Variants in GALNTL6 observed in about 807,000 individuals in gnomAD.
The protein encoded by GALNTL6 is polypeptide N-acetylgalactosaminyltransferase like 6.
Under a neutral mutation model 73.7 loss-of-function variants are expected in GALNTL6, and 46 were observed. The observed-to-expected ratio is 0.62, with a 90% confidence interval of 0.49 to 0.80. The LOEUF (loss-of-function observed/expected upper bound fraction) is 0.80. GALNTL6 is among the 30% of genes least tolerant of loss of function. The pLI is 0.00. For missense variants in GALNTL6, 604 were observed against 755.0 expected (o/e 0.80, Z 2.34); for synonymous variants, 259 against 263.7 (o/e 0.98, Z 0.17).
At chr4:172,186,764 G>A (rs1202793079) in intron 2 of GALNTL6, among the ~76,000 whole-genome samples, 13 of 152,108 alleles carry the variant, frequency 8.5e-5, no homozygotes, top group Non-Finnish European at 1.3e-4. Flanking sequence ...GGTGGCTGCC[G>A]GTGGCTAGGG....
intron 5 of GALNTL6, among the ~76,000 whole-genome samples, chr4:172,352,580 TTGAAATGTG>T (rs1385201150): frequency 6.6e-6 from 1 of 152,120 alleles, no homozygotes; most frequent in Non-Finnish European, 1.5e-5. Context: ...ATGGAAAATG[TTGAAATGTG>T]TGAAATGGGC....
chr4:172,297,035 A>G (rs1240470661), intron 3 of GALNTL6, among the ~76,000 whole-genome samples: 1 of 152,010 alleles, frequency 6.6e-6, no homozygotes, highest in Non-Finnish European at 1.5e-5. Flanking sequence ...TTGTTTCCTG[A>G]CTTTTTAATG....
intron 2 of GALNTL6, among the ~76,000 whole-genome samples, chr4:172,229,400 T>G (rs1441418924): frequency 1.3e-5 from 2 of 152,166 alleles, no homozygotes; most frequent in Non-Finnish European, 2.9e-5. Flanking sequence ...ACGCTAAATA[T>G]TAGCGTCTCT....
intron 5 of GALNTL6, among the ~76,000 whole-genome samples, chr4:172,664,669 A>G (rs1282225524): frequency 6.6e-6 from 1 of 152,122 alleles, no homozygotes; most frequent in African/African-American, 2.4e-5. Context: ...ATTCTCAAAG[A>G]CCTTCTCAGC....
Position 172,029,501 on chromosome 4 carries a change from C to T in GALNTL6, c.139-200155C>T, listed in dbSNP as rs576857551. ...TTCCCTCACAATTTCATTTTCTATA[C>T]TTTAAAAGTAGAATCACTCCAGATA... On this transcript the variant is annotated intron_variant, in intron 2 of 12. Coordinates refer to ENST00000506823, the MANE Select transcript of GALNTL6 (RefSeq NM_001034845.3). Among the ~76,000 whole-genome samples the T allele has an allele frequency of 1.8e-4, 28 of 152,122 alleles. 2 individuals carry two copies. The South Asian group carries it at 5.6e-3, about 30-fold the overall frequency.
intron 5 of GALNTL6, among the ~76,000 whole-genome samples, chr4:172,767,960 G>A (rs111650569): frequency 1.7e-4 from 26 of 152,120 alleles, no homozygotes; most frequent in African/African-American, 5.8e-4. Flanking sequence ...GAGCCACTGC[G>A]CCTGGCCGAG....
At chr4:172,549,834 G>A (rs942868054) in intron 5 of GALNTL6, among the ~76,000 whole-genome samples, 12 of 152,016 alleles carry the variant, frequency 7.9e-5, no homozygotes, top group Admixed American at 6.6e-4. Context: ...ACCCCTAGAC[G>A]ATACAAATGT....
At chr4:172,500,235 A>C (rs1278261637) in intron 5 of GALNTL6, among the ~76,000 whole-genome samples, 1 of 152,208 alleles carries the variant, frequency 6.6e-6, no homozygotes, top group Admixed American at 6.5e-5. Flanking sequence ...AGCCTGAGCA[A>C]CATAATGAGA....
At position 171,928,870 on chromosome 4, in the gene GALNTL6, AC is replaced by A. The variant is rs891004715; in HGVS notation, c.138+114153del. 9.9e-5 allele frequency among the ~76,000 whole-genome samples: 15 copies of A among 152,250 alleles called. 1 individual carries two copies. Among genetic ancestry groups the A allele is most frequent in the African/African-American group, 3.4e-4 (14 of 41,534 alleles). ...ACCATCTGGGTTATTGTAAGTACAC[AC>A]TGTGATGTTCACAGAAAAACGAAAT... On this transcript the variant is annotated intron_variant, in intron 2 of 12. Coordinates refer to ENST00000506823, the MANE Select transcript of GALNTL6 (RefSeq NM_001034845.3).
intron 2 of GALNTL6, among the ~76,000 whole-genome samples, chr4:171,899,635 T>C (rs1196136194): frequency 6.6e-6 from 1 of 152,192 alleles, no homozygotes; most frequent in East Asian, 1.9e-4. Context: ...TTAAATCACA[T>C]ATTTATGTAT....
intron 5 of GALNTL6, among the ~76,000 whole-genome samples, chr4:172,417,657 T>A (rs532604422): frequency 9.9e-5 from 15 of 151,902 alleles, no homozygotes; most frequent in African/African-American, 3.6e-4. Context: ...TCAAAAAAAA[T>A]AATAAAAAAA....
chr4:172,367,502 A>G (rs957948800), intron 5 of GALNTL6, among the ~76,000 whole-genome samples: 3 of 152,172 alleles, frequency 2.0e-5, no homozygotes, highest in African/African-American at 7.2e-5. Context: ...CCACGTAGCC[A>G]AGAACGTAAT....
chr4:172,691,613 C>T (rs564277834), intron 5 of GALNTL6, among the ~76,000 whole-genome samples: 52 of 152,296 alleles, frequency 3.4e-4, no homozygotes, highest in African/African-American at 1.3e-3. Context: ...GGAGGGCCCA[C>T]AGAGATGGTC....
intron 5 of GALNTL6, among the ~76,000 whole-genome samples, chr4:172,401,274 G>T (rs1744027406): frequency 6.6e-6 from 1 of 152,054 alleles, no homozygotes; most frequent in African/African-American, 2.4e-5. Context: ...TCTTCTTACA[G>T]TCTTGGCTTC....
intron 4 of GALNTL6, among the ~76,000 whole-genome samples, chr4:172,313,013 C>G (rs1220336884): frequency 6.6e-6 from 1 of 152,110 alleles, no homozygotes; most frequent in Admixed American, 6.5e-5. Flanking sequence ...TTTCTAGTTA[C>G]GAGAAATTTT....
At chr4:172,826,406 G>A (rs532712548) in intron 7 of GALNTL6, among the ~76,000 whole-genome samples, 119 of 152,292 alleles carry the variant, frequency 7.8e-4, no homozygotes, top group South Asian at 1.5e-3. Context: ...GGGCACACAC[G>A]ATGCAGGTGG....
At chr4:172,325,436 G>T (rs1279254874) in intron 4 of GALNTL6, among the ~76,000 whole-genome samples, 2 of 151,908 alleles carry the variant, frequency 1.3e-5, no homozygotes. Flanking sequence ...CAGAGTTGTG[G>T]CCCCGCTGAT....
chr4:173,001,575 A>G (rs1752047014), intron 10 of GALNTL6, among the ~76,000 whole-genome samples: 1 of 152,230 alleles, frequency 6.6e-6, no homozygotes, highest in South Asian at 2.1e-4. Flanking sequence ...CAGAATGAAA[A>G]GGTAACCCAC....
At chr4:172,277,233 A>G (rs552575310) in intron 3 of GALNTL6, among the ~76,000 whole-genome samples, 39 of 151,990 alleles carry the variant, frequency 2.6e-4, no homozygotes, top group Non-Finnish European at 4.6e-4. Flanking sequence ...ACGTGGATTC[A>G]TAGTTCCTAA....
Sources: allele counts gnomAD v4.1 joint callset (sites outside exome capture counted in the v4.1 genomes callset), GRCh38; gene constraint gnomAD v4.1.1; transcripts MANE v1.5; gene names NCBI Gene and HGNC (gene_info 2026-07-23, HGNC 2026-07-21).